Variants in TOP6BL observed in about 807,000 individuals in gnomAD.
The protein encoded by TOP6BL is type 2 DNA topoisomerase 6 subunit B-like.
At chr11:66,784,158 G>C in the TOP6BL span, among the ~76,000 whole-genome samples, 1 of 152,094 alleles carries the variant, frequency 6.6e-6, no homozygotes, top group Non-Finnish European at 1.5e-5. Context: ...AGCCTCCCGA[G>C]TAGCTGGGAC....
the TOP6BL span, among the ~76,000 whole-genome samples, chr11:66,836,317 C>T: frequency 1.4e-4 from 21 of 151,794 alleles, no homozygotes; most frequent in African/African-American, 4.8e-4. Flanking sequence ...CCCGGATTCA[C>T]ACCATTCTCC....
chr11:66,843,108 G>T, the TOP6BL span: 1 of 1,598,766 alleles, frequency 6.3e-7, no homozygotes, highest in Non-Finnish European at 8.5e-7. Context: ...GGCTCAGCAG[G>T]AGGTGCAGGC....
chr11:66,812,407 A>G, the TOP6BL span, among the ~76,000 whole-genome samples: 1 of 152,020 alleles, frequency 6.6e-6, no homozygotes. Flanking sequence ...CAATCTCCTG[A>G]CCTCATGATC....
At chr11:66,810,033 G>A in the TOP6BL span, among the ~76,000 whole-genome samples, 1 of 152,100 alleles carries the variant, frequency 6.6e-6, no homozygotes, top group Non-Finnish European at 1.5e-5. Context: ...TTTGAAGCCA[G>A]TAATAAAAAA....
At chr11:66,827,740 G>A in the TOP6BL span, among the ~76,000 whole-genome samples, 1 of 151,890 alleles carries the variant, frequency 6.6e-6, no homozygotes, top group African/African-American at 2.4e-5. Context: ...TGAGGCGGGT[G>A]GATCACCTGA....
the TOP6BL span, among the ~76,000 whole-genome samples, chr11:66,760,645 A>AG: frequency 6.7e-6 from 1 of 149,932 alleles, no homozygotes; most frequent in Non-Finnish European, 1.5e-5. Flanking sequence ...AAAAAAAAAA[A>AG]AAAAAAAAAT....
At chr11:66,767,058 A>G in the TOP6BL span, among the ~76,000 whole-genome samples, 5 of 152,282 alleles carry the variant, frequency 3.3e-5, no homozygotes, top group Middle Eastern at 3.4e-3. Context: ...ATTTAAACAT[A>G]GCTTACATTC....
the TOP6BL span, among the ~76,000 whole-genome samples, chr11:66,770,199 A>G: frequency 6.6e-6 from 1 of 152,174 alleles, no homozygotes; most frequent in African/African-American, 2.4e-5. Context: ...CAGGAACCAA[A>G]TCAACTGGCA....
At chr11:66,799,471 CG>C in the TOP6BL span, among the ~76,000 whole-genome samples, 1 of 151,550 alleles carries the variant, frequency 6.6e-6, no homozygotes, top group Non-Finnish European at 1.5e-5. Flanking sequence ...TTTGGGAAGC[CG>C]AGGTGGGTGG....
the TOP6BL span, among the ~76,000 whole-genome samples, chr11:66,769,373 A>G: frequency 6.6e-6 from 1 of 152,162 alleles, no homozygotes; most frequent in Non-Finnish European, 1.5e-5. Context: ...AAGTAGAGAA[A>G]TTGGATTTAA....
At chr11:66,815,497 T>A in the TOP6BL span, among the ~76,000 whole-genome samples, 1 of 152,092 alleles carries the variant, frequency 6.6e-6, no homozygotes, top group Non-Finnish European at 1.5e-5. Flanking sequence ...AGAGAACAGG[T>A]TTTTTAGTCA....
the TOP6BL span, chr11:66,744,823 G>GGCGGCC: frequency 1.5e-6 from 2 of 1,293,410 alleles, no homozygotes. Context: ...AGGAGGGGGC[G>GGCGGCC]GCGGCGGCGG....
the TOP6BL span, among the ~76,000 whole-genome samples, chr11:66,805,686 C>G: frequency 1.3e-5 from 2 of 152,138 alleles, no homozygotes; most frequent in African/African-American, 2.4e-5. Context: ...AACTCCTGGA[C>G]TCAAGCGATC....
At chr11:66,759,780 C>T in the TOP6BL span, among the ~76,000 whole-genome samples, 2 of 152,136 alleles carry the variant, frequency 1.3e-5, no homozygotes, top group African/African-American at 4.8e-5. Flanking sequence ...GATGGGGTTT[C>T]ACCGTGTTGC....
chr11:66,802,673 A>C, the TOP6BL span, among the ~76,000 whole-genome samples: 1 of 152,184 alleles, frequency 6.6e-6, no homozygotes, highest in African/African-American at 2.4e-5. Flanking sequence ...AAAGTCTCTT[A>C]AGGCTTAAAG....
At chr11:66,819,578 T>C in the TOP6BL span, among the ~76,000 whole-genome samples, 4 of 152,054 alleles carry the variant, frequency 2.6e-5, no homozygotes, top group African/African-American at 9.7e-5. Flanking sequence ...CAAGACCAGC[T>C]CGGGCAACAC....
chr11:66,766,317 A>G, the TOP6BL span, among the ~76,000 whole-genome samples: 2 of 152,186 alleles, frequency 1.3e-5, no homozygotes. Flanking sequence ...CTTTAGATCA[A>G]TTCCTGTACC....
chr11:66,791,127 A>G, the TOP6BL span, among the ~76,000 whole-genome samples: 216 of 152,324 alleles, frequency 1.4e-3, 1 homozygote, highest in African/African-American at 5.1e-3. Flanking sequence ...AGAAAGGTTA[A>G]GTAGCAAGGT....
the TOP6BL span, among the ~76,000 whole-genome samples, chr11:66,811,109 A>G: frequency 6.6e-6 from 1 of 151,954 alleles, no homozygotes; most frequent in Non-Finnish European, 1.5e-5. Flanking sequence ...GTACACCACC[A>G]TACCTGGCTA....
Sources: allele counts gnomAD v4.1 joint callset (sites outside exome capture counted in the v4.1 genomes callset), GRCh38; gene constraint gnomAD v4.1.1; transcripts MANE v1.5; gene names NCBI Gene and HGNC (gene_info 2026-07-23, HGNC 2026-07-21).